The following SYT9 variants were observed in gnomAD, a reference collection of about 807,000 sequenced individuals.
The protein encoded by SYT9 is synaptotagmin-9.
Under a neutral mutation model 48.4 loss-of-function variants are expected in SYT9, and 22 were observed. The ratio of observed to expected loss-of-function variants is 0.45; its 90% CI spans 0.32 to 0.65. The LOEUF (loss-of-function observed/expected upper bound fraction) is 0.65, where lower values mean the gene tolerates loss of function less well. Ranked by LOEUF, SYT9 falls within the 30% of genes least tolerant of loss-of-function variation. The pLI, the probability that SYT9 is intolerant of heterozygous loss-of-function variation, is 0.03. For missense variants in SYT9, 577 were observed against 622.0 expected (o/e 0.93, Z 0.77); for synonymous variants, 265 against 245.0 (o/e 1.08, Z -0.76).
At chr11:7,282,926 G>GCACACACACA (rs151278873) in intron 1 of SYT9, among the ~76,000 whole-genome samples, 4,409 of 135,710 alleles carry the variant, frequency 0.032, 98 homozygotes, top group African/African-American at 0.07. Flanking sequence ...ACACACACAC[G>GCACACACACA]CACACACACA....
intron 3 of SYT9, among the ~76,000 whole-genome samples, chr11:7,335,046 G>A (rs1849610829): frequency 6.6e-6 from 1 of 152,132 alleles, no homozygotes; most frequent in Non-Finnish European, 1.5e-5. Context: ...TGATGAAATT[G>A]CTAAACTGTT....
intron 1 of SYT9, among the ~76,000 whole-genome samples, chr11:7,254,326 G>A (rs368377540): frequency 1.3e-5 from 2 of 152,244 alleles, no homozygotes; most frequent in South Asian, 4.1e-4. Context: ...AGGGGTGGGG[G>A]TTTTCGAGTG....
intron 1 of SYT9, among the ~76,000 whole-genome samples, chr11:7,302,167 T>G (rs1848933303): frequency 6.6e-6 from 1 of 152,222 alleles, no homozygotes; most frequent in Non-Finnish European, 1.5e-5. Flanking sequence ...TTAATGCCCT[T>G]TGAGAAATGC....
At position 7,252,130 on chromosome 11, in the gene SYT9, C is replaced by A; in HGVS notation, c.-57C>A. 1 of 1,351,268 alleles carries A rather than the reference C, an allele frequency of 7.4e-7. No homozygotes were observed. Among genetic ancestry groups the A allele is most frequent in the Non-Finnish European group, 9.5e-7 (1 of 1,056,688 alleles). 83.7% of individuals were successfully genotyped at this position (1,351,268 alleles called of 1,614,324 possible). The stretch of plus-strand genomic sequence containing the variant: ...GAGGCGGCGGCTCTGAGCTGGCAGG[C>A]GGAGGGCTGTCTCCTGCGCCCGCCT... On this transcript the variant is annotated 5_prime_UTR_variant, in exon 1 of 7. Transcript: ENST00000318881. The surrounding 1 kb of genome is among the most constrained non-coding windows in gnomAD (Gnocchi z 6.3).
chr11:7,385,271 A>C (rs1203011436), intron 3 of SYT9, among the ~76,000 whole-genome samples: 3 of 151,976 alleles, frequency 2.0e-5, no homozygotes, highest in Non-Finnish European at 4.4e-5. Context: ...CTCTGGTACA[A>C]ATAATTGCTT....
chr11:7,357,526 A>G (rs1220070647), intron 3 of SYT9, among the ~76,000 whole-genome samples: 5 of 152,300 alleles, frequency 3.3e-5, no homozygotes, highest in East Asian at 1.9e-4. Flanking sequence ...AGAGAATCCT[A>G]AAGATAGCAA....
At chr11:7,379,037 A>G (rs1048459622) in intron 3 of SYT9, among the ~76,000 whole-genome samples, 27 of 152,264 alleles carry the variant, frequency 1.8e-4, no homozygotes, top group African/African-American at 6.5e-4. Flanking sequence ...ATCTCCAGTT[A>G]CTTTTGGGTT....
intron 6 of SYT9, among the ~76,000 whole-genome samples, chr11:7,456,631 G>A (rs1210476247): frequency 6.6e-6 from 1 of 152,186 alleles, no homozygotes; most frequent in African/African-American, 2.4e-5. Context: ...AGTTGAGAGT[G>A]GGTGATAAAT....
intron 4 of SYT9, among the ~76,000 whole-genome samples, chr11:7,417,033 T>C (rs1847264263): frequency 6.6e-6 from 1 of 152,162 alleles, no homozygotes; most frequent in African/African-American, 2.4e-5. Context: ...TTGCTAACTG[T>C]GCAAATTCAC....
At chr11:7,409,000 G>A (rs1194382133) in intron 3 of SYT9, among the ~76,000 whole-genome samples, 4 of 152,008 alleles carry the variant, frequency 2.6e-5, no homozygotes, top group Non-Finnish European at 5.9e-5. Flanking sequence ...CAGTAGTAGT[G>A]TTCATACTAA....
Position 7,375,058 on chromosome 11 carries a change from C to T in SYT9, c.1045-40984C>T, listed in dbSNP as rs1440856556. Among the ~76,000 whole-genome samples the T allele has an allele frequency of 1.4e-4, 21 of 152,210 alleles. 1 individual carries two copies. The highest frequency in any genetic ancestry group is 4.6e-4 in the Admixed American group (7 of 15,286). ...AGGGTTTTTATGGTTTTAGGTCTTA[C>T]GTTTAAGTCTTTAATCCATCTTGAG... On this transcript the variant is annotated intron_variant, in intron 3 of 6. Transcript: ENST00000318881.
At chr11:7,293,201 C>T (rs1162989610) in intron 1 of SYT9, among the ~76,000 whole-genome samples, 1 of 152,156 alleles carries the variant, frequency 6.6e-6, no homozygotes, top group East Asian at 1.9e-4. Context: ...ATCATCTGGG[C>T]AGCCTTCTGA....
At chr11:7,417,850 T>G (rs1590014272) in intron 4 of SYT9, 107 bp from the exon 5 acceptor site, 392 of 1,141,984 alleles carry the variant, frequency 3.4e-4, no homozygotes, top group East Asian at 4.1e-4. Context: ...CACAGGCAGG[T>G]AAAGGAGTTC....
chr11:7,447,320 A>G (rs1160317442), intron 6 of SYT9, among the ~76,000 whole-genome samples: 1 of 152,144 alleles, frequency 6.6e-6, no homozygotes, highest in Non-Finnish European at 1.5e-5. Flanking sequence ...CTTAGAGGGC[A>G]CACAGAGGCC....
chr11:7,416,276 T>C (rs1847246448), intron 4 of SYT9, 114 bp downstream of exon 4: 4 of 1,300,390 alleles, frequency 3.1e-6, no homozygotes, highest in Non-Finnish European at 4.3e-6. Flanking sequence ...TGCCTAGGCT[T>C]AGCCCTAGTC....
intron 1 of SYT9, among the ~76,000 whole-genome samples, chr11:7,260,608 A>C (rs891080036): frequency 1.3e-5 from 2 of 152,208 alleles, no homozygotes; most frequent in African/African-American, 4.8e-5. Context: ...AAAGCACACC[A>C]GGAGATTTCA....
At chr11:7,438,283 G>T (rs945320441) in intron 6 of SYT9, 1 of 152,190 alleles carries the variant, frequency 6.6e-6, no homozygotes, top group South Asian at 2.1e-4. Flanking sequence ...GATAACTGCT[G>T]TGCGGGCTTT....
At chr11:7,365,123 G>T (rs897571590) in intron 3 of SYT9, among the ~76,000 whole-genome samples, 2 of 151,956 alleles carry the variant, frequency 1.3e-5, no homozygotes, top group South Asian at 2.1e-4. Context: ...TGACTGCAAG[G>T]CTTATGAAAT....
chr11:7,412,724 C>T (rs1182805715), intron 3 of SYT9, among the ~76,000 whole-genome samples: 1 of 152,144 alleles, frequency 6.6e-6, no homozygotes. Context: ...TGCCCTTGGT[C>T]AGCAGACTTG....
Sources: gnomAD v4.1 joint callset for allele counts (sites outside exome capture counted in the v4.1 genomes callset) on GRCh38, gnomAD v4.1.1 for gene constraint, Gnocchi (gnomAD v3.1) non-coding constraint, MANE v1.5 for transcripts, NCBI Gene and HGNC (gene_info 2026-07-23, HGNC 2026-07-21) for gene names.